Variants in CTNNA1 observed in about 807,000 individuals in gnomAD.
CTNNA1 encodes the protein catenin alpha 1, also known as catenin alpha-1.
CTNNA1 carries 37 observed loss-of-function variants against 98.4 expected under a neutral mutation model. The ratio of observed to expected loss-of-function variants is 0.38; its 90% CI spans 0.29 to 0.49. CTNNA1 has a LOEUF of 0.49. Among genes scored for constraint, CTNNA1 ranks in the 20% least tolerant of loss-of-function variants. The pLI is 0.95. For missense variants in CTNNA1, 761 were observed against 1,147.2 expected (o/e 0.66, Z 4.86); for synonymous variants, 404 against 413.2 (o/e 0.98, Z 0.27).
chr5:138,791,696 T>A (rs1422498064), intron 3 of CTNNA1, among the ~76,000 whole-genome samples: 1 of 132,846 alleles, frequency 7.5e-6, no homozygotes, highest in African/African-American at 2.9e-5. Context: ...GCTAACACAA[T>A]AGTTAACATC....
intron 9 of CTNNA1, 187 bp downstream of exon 9, chr5:138,887,829 A>G (rs955178922): frequency 1.8e-5 from 9 of 489,270 alleles, no homozygotes; most frequent in South Asian, 1.0e-4. Context: ...TACATTAACT[A>G]TGTACGTTAT....
chr5:138,932,225 G>A (rs1057013302), intron 16 of CTNNA1: 6 of 1,056,314 alleles, frequency 5.7e-6, no homozygotes, highest in African/African-American at 1.7e-5. Flanking sequence ...TTCTCACCTC[G>A]AGGGGCATGG....
At chr5:138,817,233 T>C (rs1759527840) in intron 5 of CTNNA1, among the ~76,000 whole-genome samples, 1 of 152,222 alleles carries the variant, frequency 6.6e-6, no homozygotes, top group African/African-American at 2.4e-5. Context: ...TTTCCTGGCC[T>C]GTAGCGTTTC....
At chr5:138,914,942 T>G (rs532147126) in intron 10 of CTNNA1, among the ~76,000 whole-genome samples, 1 of 152,096 alleles carries the variant, frequency 6.6e-6, no homozygotes, top group East Asian at 1.9e-4. Flanking sequence ...GGTCAGGAGA[T>G]CGAGACCATC....
At chr5:138,809,920 C>A in intron 3 of CTNNA1, 118 bp from the exon 4 acceptor site, 18 of 1,333,376 alleles carry the variant, frequency 1.3e-5, no homozygotes, top group Non-Finnish European at 1.8e-5. Context: ...AATGAAAACT[C>A]TTAAACTAAA....
chr5:138,886,110 T>C (rs1753962464), intron 7 of CTNNA1, 102 bp from the exon 8 acceptor site: 2 of 1,302,530 alleles, frequency 1.5e-6, no homozygotes, highest in African/African-American at 3.1e-5. Context: ...TTTAAGAAGT[T>C]GTACTGCTTT....
intron 7 of CTNNA1, among the ~76,000 whole-genome samples, chr5:138,834,218 A>C (rs568982258): frequency 6.6e-6 from 1 of 152,162 alleles, no homozygotes. Flanking sequence ...TTGTGGCTAC[A>C]CTTTTCTTTT....
intron 7 of CTNNA1, among the ~76,000 whole-genome samples, chr5:138,857,944 G>A (rs914410010): frequency 5.9e-5 from 9 of 151,998 alleles, no homozygotes; most frequent in African/African-American, 1.9e-4. Context: ...ATTATACAGT[G>A]AACCACCCAC....
chr5:138,879,165 C>T (rs968481359), intron 7 of CTNNA1, among the ~76,000 whole-genome samples: 18 of 94,132 alleles, frequency 1.9e-4, no homozygotes, highest in East Asian at 2.6e-4. Context: ...AGTGAGACTC[C>T]GTCTTTAAAA....
chr5:138,841,444 G>A lies in CTNNA1; in HGVS notation c.1062+13726G>A, dbSNP rs1295022699. Reference sequence around the variant, plus strand: ...CCGGCTAATTTTTGTATTTTTAGTAGAGATGGGGTTTCACCATGTTGACCA... The same window carrying A: ...CCGGCTAATTTTTGTATTTTTAGTAAAGATGGGGTTTCACCATGTTGACCA... On this transcript the variant is annotated intron_variant, in intron 7 of 17. Transcript: ENST00000302763. Among the ~76,000 whole-genome samples, 3 of 152,202 alleles carry A rather than the reference G, an allele frequency of 2.0e-5. No homozygotes were observed. The East Asian group carries it at 5.8e-4, about 29-fold the overall frequency.
At chr5:138,798,718 G>C (rs1301666889) in intron 3 of CTNNA1, among the ~76,000 whole-genome samples, 1 of 152,108 alleles carries the variant, frequency 6.6e-6, no homozygotes, top group African/African-American at 2.4e-5. Context: ...TTTATTCCCA[G>C]CTCAGGAGAG....
At chr5:138,776,650 C>T (rs1335384185) in intron 1 of CTNNA1, among the ~76,000 whole-genome samples, 7 of 150,818 alleles carry the variant, frequency 4.6e-5, no homozygotes, top group East Asian at 2.0e-4. Context: ...ACCTCCCGGA[C>T]GGGGCGGCTG....
intron 10 of CTNNA1, 144 bp downstream of exon 10, chr5:138,904,585 A>G (rs922696208): frequency 1.9e-6 from 2 of 1,030,470 alleles, no homozygotes; most frequent in African/African-American, 1.6e-5. Context: ...CAGAACCCAC[A>G]TAGTTTGGAA....
chr5:138,863,636 C>T (rs1764482630), intron 7 of CTNNA1, among the ~76,000 whole-genome samples: 1 of 152,196 alleles, frequency 6.6e-6, no homozygotes, highest in African/African-American at 2.4e-5. Flanking sequence ...TTATCATCAG[C>T]ATTTTACAGC....
chr5:138,894,562 TG>T (rs897794926), intron 9 of CTNNA1, among the ~76,000 whole-genome samples: 3 of 152,072 alleles, frequency 2.0e-5, no homozygotes, highest in Admixed American at 1.3e-4. Flanking sequence ...TGTGAGCCAC[TG>T]CGCCTGGTCT....
chr5:138,924,126 T>A (rs1462086098), intron 11 of CTNNA1, among the ~76,000 whole-genome samples: 2 of 152,232 alleles, frequency 1.3e-5, no homozygotes, highest in Admixed American at 1.3e-4. Flanking sequence ...TGTTCTAATT[T>A]AGCCTTTCCT....
intron 3 of CTNNA1, among the ~76,000 whole-genome samples, chr5:138,805,810 T>C (rs1204185297): frequency 1.3e-5 from 2 of 151,692 alleles, no homozygotes; most frequent in Non-Finnish European, 1.5e-5. Flanking sequence ...TAGATCCTTA[T>C]AATTTGCAGA....
At chr5:138,877,845 G>A (rs1181477630) in intron 7 of CTNNA1, among the ~76,000 whole-genome samples, 3 of 152,200 alleles carry the variant, frequency 2.0e-5, no homozygotes, top group Non-Finnish European at 4.4e-5. Flanking sequence ...CGCAGGAGAA[G>A]CTGGATTAAA....
At chr5:138,779,756 C>G (rs1388903159) in intron 1 of CTNNA1, among the ~76,000 whole-genome samples, 1 of 150,092 alleles carries the variant, frequency 6.7e-6, no homozygotes, top group African/African-American at 2.5e-5. Context: ...TGCTCTGTTG[C>G]CCAGGCTGGA....
Sources: allele counts gnomAD v4.1 joint callset (sites outside exome capture counted in the v4.1 genomes callset), GRCh38; gene constraint gnomAD v4.1.1; transcripts MANE v1.5; gene names NCBI Gene and HGNC (gene_info 2026-07-23, HGNC 2026-07-21).